The following MAP4 variants were observed in gnomAD, a reference collection of about 807,000 sequenced individuals.
MAP4 encodes microtubule associated protein 4.
Under a neutral mutation model 170.2 loss-of-function variants are expected in MAP4, and 76 were observed. The ratio of observed to expected loss-of-function variants is 0.45; its 90% confidence interval spans 0.37 to 0.54. The LOEUF (loss-of-function observed/expected upper bound fraction) is 0.54. Among genes scored for constraint, MAP4 ranks in the 20% least tolerant of loss-of-function variants. The pLI is 0.00. For synonymous variants in MAP4, 909 were observed against 994.5 expected, an observed-to-expected ratio of 0.91 and a Z score of 1.62; for missense variants, 2,506 against 2,748.0, an observed-to-expected ratio of 0.91 and a Z score of 1.97.
intron 10 of MAP4, among the ~76,000 whole-genome samples, chr3:47,897,041 AAAG>A (rs1231838343): frequency 1.3e-5 from 2 of 152,230 alleles, no homozygotes; most frequent in African/African-American, 2.4e-5. Flanking sequence ...GAAAAGCCAC[AAAG>A]AAGATGCTAG....
chr3:47,912,091 T>C lies in MAP4; in HGVS notation c.2330A>G (p.Gln777Arg), dbSNP rs1300758935. The change falls in exon 9 of 21, where the codon CAA becomes CGA. Residue 777 changes from glutamine (Q) to arginine (R), a missense_variant. Coordinates refer to ENST00000683076, the MANE Select transcript of MAP4 (RefSeq NM_001385682.1). ...MMKKKKKKPK[Q>R]KRYSQPRAGG... ...AGCCCGTGGTTGAGAATATCTCTTT[T>C]GCTTTGGTTTCTTCTTCTTTTTCTT... is the stretch of plus-strand genomic sequence containing the variant. 6.5e-7 allele frequency: 1 copy of C among 1,536,190 alleles called. No homozygotes were observed. Among genetic ancestry groups the C allele is most frequent in the Admixed American group, 2.0e-5 (1 of 51,006 alleles).
intron 3 of MAP4, among the ~76,000 whole-genome samples, chr3:47,955,560 A>G (rs555091757): frequency 3.3e-5 from 5 of 152,160 alleles, no homozygotes; most frequent in Non-Finnish European, 7.4e-5. Flanking sequence ...TTAGTAAGAC[A>G]TATACAAAGT....
intron 1 of MAP4, among the ~76,000 whole-genome samples, chr3:48,046,287 G>GTGTTTTGTTACCAA (rs1255945035): frequency 6.6e-6 from 1 of 152,146 alleles, no homozygotes; most frequent in African/African-American, 2.4e-5. Context: ...ACAAACCCAT[G>GTGTTTTGTTACCAA]CTTTGCACAG....
At chr3:48,087,299 A>C (rs1285613169) in intron 1 of MAP4, among the ~76,000 whole-genome samples, 3 of 152,194 alleles carry the variant, frequency 2.0e-5, no homozygotes, top group Non-Finnish European at 4.4e-5. Context: ...TCTCCTGCTT[A>C]GCAACTTTAA....
At chr3:47,949,694 T>C (rs1411095960) in intron 3 of MAP4, among the ~76,000 whole-genome samples, 2 of 152,236 alleles carry the variant, frequency 1.3e-5, no homozygotes, top group Non-Finnish European at 2.9e-5. Flanking sequence ...ATCTATACTT[T>C]ACTGCTCTGC....
intron 10 of MAP4, among the ~76,000 whole-genome samples, chr3:47,901,967 C>T (rs1405969562): frequency 1.3e-5 from 2 of 152,004 alleles, no homozygotes; most frequent in Non-Finnish European, 1.5e-5. Flanking sequence ...TGAGACTAGC[C>T]TGGGCAACAG....
In MAP4 at chr3:47,855,442, T is replaced by C; in HGVS notation, c.6584-82A>G. The C allele has an allele frequency of 1.2e-6, 1 of 837,272 alleles. No individual in the cohort carries two copies. Among genetic ancestry groups the C allele is most frequent in the Non-Finnish European group, 2.1e-6 (1 of 477,506 alleles). The allele number at this position is 837,272 out of a possible 1,614,324, so 51.9% of individuals were successfully genotyped here. ...AAACCAGGACTAGCGATATGCCCAA[T>C]CTAGAAATGAGACAGACGTGACCTG... On this transcript the variant is annotated intron_variant, in intron 18 of 20. Transcript: ENST00000683076. The surrounding 1 kb of genome is among the most constrained non-coding windows in gnomAD (Gnocchi z 5.1).
chr3:48,058,725 T>A (rs2100133570), intron 1 of MAP4, among the ~76,000 whole-genome samples: 1 of 152,248 alleles, frequency 6.6e-6, no homozygotes, highest in Non-Finnish European at 1.5e-5. Flanking sequence ...ATAAAACAAT[T>A]GTCTTTTCCT....
chr3:48,046,842 C>A (rs1579532095), intron 1 of MAP4, among the ~76,000 whole-genome samples: 1 of 152,172 alleles, frequency 6.6e-6, no homozygotes, highest in Non-Finnish European at 1.5e-5. Flanking sequence ...CGCCTGTAAT[C>A]CCAGCACTTT....
At chr3:47,934,929 C>T (rs542208867) in intron 3 of MAP4, among the ~76,000 whole-genome samples, 2 of 152,316 alleles carry the variant, frequency 1.3e-5, no homozygotes, top group Admixed American at 1.3e-4. Flanking sequence ...CCACCATCAC[C>T]ACCCTATGCT....
chr3:47,932,974 C>T (rs1002783482), intron 3 of MAP4, among the ~76,000 whole-genome samples: 13 of 152,050 alleles, frequency 8.5e-5, no homozygotes, highest in Non-Finnish European at 1.5e-4. Context: ...ACGATCACAG[C>T]TCACTGCAAC....
intron 3 of MAP4, chr3:47,975,398 A>C: frequency 6.4e-7 from 1 of 1,556,472 alleles, no homozygotes; most frequent in East Asian, 2.4e-5. Context: ...TAGAAGTATA[A>C]CGATGCTTAG....
chr3:48,015,957 C>A lies in MAP4; in HGVS notation c.-20+377G>T, dbSNP rs79695687. Among the ~76,000 whole-genome samples, 106 of 152,256 alleles carry A rather than the reference C, an allele frequency of 7.0e-4. 1 individual carries two copies. The East Asian group carries it at 0.019, about 27-fold the overall frequency. The stretch of plus-strand genomic sequence containing the variant: ...CCCCCCTGAAGAATATATTAACTGT[C>A]CACCCCTAGGTTCCTCCCTACACAG... On this transcript the variant is annotated intron_variant, in intron 1 of 20. Coordinates refer to ENST00000683076, the MANE Select transcript of MAP4 (RefSeq NM_001385682.1).
At chr3:47,926,468 G>A (rs1372698926) in intron 4 of MAP4, among the ~76,000 whole-genome samples, 1 of 152,126 alleles carries the variant, frequency 6.6e-6, no homozygotes, top group Admixed American at 6.5e-5. Context: ...ACAAGTGTGA[G>A]CCACCACGCC....
intron 10 of MAP4, among the ~76,000 whole-genome samples, chr3:47,901,937 AT>A (rs969591128): frequency 2.5e-4 from 38 of 152,032 alleles, no homozygotes; most frequent in African/African-American, 9.2e-4. Context: ...AGGAGGAAGG[AT>A]TGCTTGAGGC....
At chr3:47,955,478 A>G (rs2100067279) in intron 3 of MAP4, among the ~76,000 whole-genome samples, 1 of 144,866 alleles carries the variant, frequency 6.9e-6, no homozygotes, top group Non-Finnish European at 1.5e-5. Flanking sequence ...ACACACACAC[A>G]CACTAGTCAA....
intron 10 of MAP4, among the ~76,000 whole-genome samples, chr3:47,890,380 C>T (rs569302215): frequency 9.2e-5 from 14 of 152,230 alleles, no homozygotes; most frequent in South Asian, 2.1e-4. Flanking sequence ...AAAACACATA[C>T]AAAAAGAGAA....
chr3:47,896,627 T>TAAC (rs1362855752), intron 10 of MAP4, among the ~76,000 whole-genome samples: 4 of 152,066 alleles, frequency 2.6e-5, no homozygotes, highest in South Asian at 2.1e-4. Context: ...GTAGTAATAA[T>TAAC]AACAACAACA....
rs1417880880 is a variant in MAP4, at chr3:48,047,956, T to C, written c.-20+40817A>G. On this transcript the variant is annotated intron_variant, in intron 1 of 18. Coordinates refer to the MAP4 transcript ENST00000360240. ...TAAAAAATAAAGAGACAGAGAGAGA[T>C]GTTTGGCACAGTGACACACAGCCTA... Among the ~76,000 whole-genome samples, 4 of 152,254 alleles carry C rather than the reference T, an allele frequency of 2.6e-5. No individual in the cohort carries two copies. The East Asian group carries it at 7.7e-4, about 29-fold the overall frequency.
Sources: gnomAD v4.1 joint callset for allele counts (sites outside exome capture counted in the v4.1 genomes callset) on GRCh38, gnomAD v4.1.1 for gene constraint, Gnocchi (gnomAD v3.1) non-coding constraint, MANE v1.5 for transcripts, NCBI Gene and HGNC (gene_info 2026-07-23, HGNC 2026-07-21) for gene names.